Variants in TTC23 observed in about 807,000 individuals in gnomAD.
TTC23 encodes tetratricopeptide repeat domain 23, also known as tetratricopeptide repeat protein 23.
TTC23 carries 58 observed loss-of-function variants against 55.1 expected under a neutral mutation model. That is an observed-to-expected ratio of 1.05 (90% CI 0.85 to 1.31). TTC23 has a LOEUF of 1.31. Among genes scored for constraint, TTC23 ranks in the 50% most tolerant of loss-of-function variants. The pLI, the probability that TTC23 is intolerant of heterozygous loss-of-function variation, is 0.00. For missense variants in TTC23, 516 were observed against 534.4 expected (o/e 0.97, Z 0.34); for synonymous variants, 203 against 199.9 (o/e 1.02, Z -0.13).
At chr15:99,177,516 A>G (rs1396908820) in intron 9 of TTC23, among the ~76,000 whole-genome samples, 3 of 152,178 alleles carry the variant, frequency 2.0e-5, no homozygotes, top group Non-Finnish European at 4.4e-5. Context: ...TGGAGAAAGG[A>G]AAAAAGAGGA....
At chr15:99,235,322 A>AT (rs1439714179) in intron 3 of TTC23, among the ~76,000 whole-genome samples, 5 of 150,066 alleles carry the variant, frequency 3.3e-5, no homozygotes, top group African/African-American at 9.8e-5. Flanking sequence ...TAACCTTTTC[A>AT]TTTTTTTCCC....
At chr15:99,178,036 G>C (rs975056909) in intron 9 of TTC23, among the ~76,000 whole-genome samples, 2 of 152,098 alleles carry the variant, frequency 1.3e-5, no homozygotes, top group Non-Finnish European at 2.9e-5. Context: ...AAAAAAATTA[G>C]CCAGGGGTGG....
In TTC23 at chr15:99,184,981, A is replaced by G. The variant is rs191050576; in HGVS notation, c.760-9826T>C. 2.4e-3 allele frequency among the ~76,000 whole-genome samples: 370 copies of G among 152,280 alleles called. 1 individual carries two copies. In the Middle Eastern group the frequency reaches 0.054, roughly 22 times the overall value. On this transcript the variant is annotated intron_variant, in intron 9 of 13. Coordinates refer to ENST00000394132, the MANE Select transcript of TTC23 (RefSeq NM_001288615.3). ...AGTTCTCATGAGATCTGACAGTTTT[A>G]TAAGTGTCTGGCATTTCCCCTGCTG... is the stretch of plus-strand genomic sequence containing the variant.
chr15:99,184,923 G>C (rs1306704844), intron 9 of TTC23, among the ~76,000 whole-genome samples: 2 of 152,092 alleles, frequency 1.3e-5, no homozygotes, highest in Admixed American at 1.3e-4. Context: ...CATGGGGGTG[G>C]TTTCCCCCAT....
intron 8 of TTC23, among the ~76,000 whole-genome samples, chr15:99,203,159 T>C (rs1013260534): frequency 1.3e-5 from 2 of 151,938 alleles, no homozygotes; most frequent in African/African-American, 4.8e-5. Flanking sequence ...GCAAATGAGG[T>C]GGGCATTTTC....
At chr15:99,230,394 T>G (rs2078840390) in intron 4 of TTC23, among the ~76,000 whole-genome samples, 1 of 151,930 alleles carries the variant, frequency 6.6e-6, no homozygotes. Context: ...GTCATTTGAG[T>G]CCCTAAAGAA....
At chr15:99,208,249 T>A (rs954972501) in intron 8 of TTC23, among the ~76,000 whole-genome samples, 2 of 151,962 alleles carry the variant, frequency 1.3e-5, no homozygotes, top group Admixed American at 1.3e-4. Flanking sequence ...TATGACAAAT[T>A]TTATATATAT....
In TTC23 at chr15:99,161,750, C is replaced by T; in HGVS notation, c.983G>A (p.Gly328Glu). 6.2e-7 allele frequency: 1 copy of T among 1,609,882 alleles called. No individual in the cohort carries two copies. Among genetic ancestry groups the T allele is most frequent in the South Asian group, 1.1e-5 (1 of 90,008 alleles). The change falls in exon 11 of 14, where the codon GGA becomes GAA. Residue 328 changes from glycine (G) to glutamate (E), a missense_variant. Gly to Glu is a moderately conservative substitution (Grantham distance 98). Coordinates refer to ENST00000394132, the MANE Select transcript of TTC23 (RefSeq NM_001288615.3). ...DEFCHFLQMT[G>E]QKERATSILR... ...TCCAAACTCACTTACCTCTTTTTGTCCAGTCATTTGTAGAAAATGGCAAAA... is the reference window on the plus strand; with the variant it reads ...TCCAAACTCACTTACCTCTTTTTGTTCAGTCATTTGTAGAAAATGGCAAAA...
upstream of TTC23, among the ~76,000 whole-genome samples, chr15:99,250,866 G>A (rs1307148613): frequency 6.6e-6 from 1 of 152,072 alleles, no homozygotes; most frequent in Non-Finnish European, 1.5e-5. Context: ...CCTTAAATCC[G>A]GTGCTTAGAC....
At position 99,221,834 on chromosome 15, in the gene TTC23, A is replaced by C. The variant is rs986374406; in HGVS notation, c.211T>G (p.Cys71Gly). The C allele has an allele frequency of 3.7e-6, 6 of 1,614,076 alleles. No individual in the cohort carries two copies. Among genetic ancestry groups the C allele is most frequent in the Non-Finnish European group, 5.1e-6 (6 of 1,180,032 alleles). Residue 71 changes from cysteine to glycine, a missense_variant, in exon 6 of 14, where the codon TGC becomes GGC. Cys to Gly is a radical substitution (Grantham distance 159). Coordinates refer to ENST00000394132, the MANE Select transcript of TTC23 (RefSeq NM_001288615.3). The part of the protein sequence containing the change: ...YKQAVHELVR[C>G]VALTRICYGD... The stretch of plus-strand genomic sequence containing the variant: ...TAGCAAATTCTTGTCAGTGCTACGC[A>C]ACGCACAAGCTCATGGACGGCCTGT...
At chr15:99,187,474 C>A (rs7170531) in intron 9 of TTC23, among the ~76,000 whole-genome samples, 42,403 of 89,466 alleles carry the variant, frequency 0.47, 9,672 homozygotes, top group Middle Eastern at 0.63. Context: ...AAAAACAAAA[C>A]AAAAGAAACC....
intron 12 of TTC23, among the ~76,000 whole-genome samples, chr15:99,143,951 T>C (rs566774992): frequency 1.1e-4 from 16 of 152,228 alleles, no homozygotes; most frequent in African/African-American, 3.6e-4. Flanking sequence ...TAAGACACAG[T>C]TGGACCCTAG....
intron 10 of TTC23, among the ~76,000 whole-genome samples, chr15:99,167,799 T>C (rs1046936083): frequency 2.6e-5 from 4 of 152,194 alleles, no homozygotes; most frequent in Non-Finnish European, 5.9e-5. Context: ...ACAGCTTTCA[T>C]TAAGAGGGAG....
intron 12 of TTC23, among the ~76,000 whole-genome samples, chr15:99,152,942 C>T (rs1174798506): frequency 6.6e-6 from 1 of 151,972 alleles, no homozygotes; most frequent in Non-Finnish European, 1.5e-5. Context: ...GGATTACAGG[C>T]GTGTGCCACC....
chr15:99,223,114 A>AG (rs2078089881), intron 5 of TTC23, among the ~76,000 whole-genome samples: 3 of 152,294 alleles, frequency 2.0e-5, no homozygotes, highest in African/African-American at 7.2e-5. Flanking sequence ...TTTGGCCAAT[A>AG]GAACGTGGAG....
chr15:99,167,055 G>A (rs185528153), intron 10 of TTC23, among the ~76,000 whole-genome samples: 1 of 152,166 alleles, frequency 6.6e-6, no homozygotes, highest in East Asian at 1.9e-4. Flanking sequence ...CACATGAGCA[G>A]CCTTTGACGG....
intron 8 of TTC23, among the ~76,000 whole-genome samples, chr15:99,215,897 A>T (rs2077443813): frequency 6.6e-6 from 1 of 152,220 alleles, no homozygotes. Flanking sequence ...TTGGCAGGAG[A>T]AAAGGAAATT....
intron 10 of TTC23, among the ~76,000 whole-genome samples, chr15:99,163,353 T>C (rs2071642405): frequency 6.6e-6 from 1 of 152,092 alleles, no homozygotes. Flanking sequence ...GGCCACCAGC[T>C]CTCCAGAAAA....
intron 3 of TTC23, among the ~76,000 whole-genome samples, chr15:99,235,717 C>G (rs1405956789): frequency 6.6e-6 from 1 of 152,190 alleles, no homozygotes; most frequent in Non-Finnish European, 1.5e-5. Context: ...TAAGTAAATT[C>G]ACATTGCTGT....
Sources: allele counts gnomAD v4.1 joint callset (sites outside exome capture counted in the v4.1 genomes callset), GRCh38; gene constraint gnomAD v4.1.1; transcripts MANE v1.5; gene names NCBI Gene and HGNC (gene_info 2026-07-23, HGNC 2026-07-21).